Variants in BPTF observed in about 807,000 individuals in gnomAD.
The protein encoded by BPTF is bromodomain PHD finger transcription factor, also known as nucleosome-remodeling factor subunit BPTF.
In BPTF, 18 loss-of-function variants were observed where a neutral mutation model predicts 292.5. The observed-to-expected ratio is 0.06, with a 90% CI of 0.04 to 0.09. The LOEUF is 0.09. Ranked by LOEUF, BPTF falls within the 10% of genes least tolerant of loss-of-function variation. The pLI is 1.00. For synonymous variants in BPTF, 1,225 were observed against 1,251.9 expected, an observed-to-expected ratio of 0.98 and a Z score of 0.45; for missense variants, 2,726 against 3,498.7, an observed-to-expected ratio of 0.78 and a Z score of 5.57.
At chr17:67,977,008 G>C (rs1348311901) in intron 27 of BPTF, among the ~76,000 whole-genome samples, 1 of 152,048 alleles carries the variant, frequency 6.6e-6, no homozygotes, top group Non-Finnish European at 1.5e-5. Flanking sequence ...AGATAAAACC[G>C]ACAATCTATA....
At chr17:67,966,956 T>A (rs1373665975) in intron 26 of BPTF, among the ~76,000 whole-genome samples, 1 of 151,396 alleles carries the variant, frequency 6.6e-6, no homozygotes, top group Non-Finnish European at 1.5e-5. Context: ...AAAAATTAGC[T>A]GGGCATGGTG....
chr17:67,910,887 G>T lies in BPTF; in HGVS notation c.3003G>T (p.Glu1001Asp). Reference protein sequence around the residue: ...ITEKKDQDVKELLDSDSDKPC... With the variant: ...ITEKKDQDVKDLLDSDSDKPC... Reference sequence around the variant, plus strand: ...GTCTTTGTTTCACAGATGTGAAGGAGCTCTTAGATTCTGACAGTGATAAAC... The same window carrying T: ...GTCTTTGTTTCACAGATGTGAAGGATCTCTTAGATTCTGACAGTGATAAAC... Residue 1001 changes from glutamate (E) to aspartate (D), a missense_variant, in exon 11 of 28, where the codon GAG (glutamate) becomes GAT (aspartate). Around this residue, in one of 22 missense-constraint regions of BPTF, gnomAD observed 713 missense variants for 714.9 expected, o/e 1.00. Coordinates refer to ENST00000306378, the MANE Select transcript of BPTF (RefSeq NM_182641.4). 2 of 1,579,216 alleles carry T rather than the reference G, an allele frequency of 1.3e-6. No individual in the cohort carries two copies. The highest frequency in any genetic ancestry group is 1.9e-5 in the Admixed American group (1 of 52,636).
At chr17:67,827,162 G>T (rs777622545) in intron 1 of BPTF, among the ~76,000 whole-genome samples, 4 of 152,224 alleles carry the variant, frequency 2.6e-5, no homozygotes, top group Non-Finnish European at 5.9e-5. Context: ...ATGCAGTTTC[G>T]TGTCACCTGT....
chr17:67,909,410 A>T (rs2062493957), intron 9 of BPTF, among the ~76,000 whole-genome samples, 172 bp from the exon 10 acceptor site: 1 of 151,312 alleles, frequency 6.6e-6, no homozygotes, highest in Admixed American at 6.6e-5. Context: ...CCAGGCATAT[A>T]GGATTATATG....
intron 4 of BPTF, chr17:67,886,090 G>C: frequency 7.1e-7 from 1 of 1,400,280 alleles, no homozygotes; most frequent in Non-Finnish European, 9.8e-7. Flanking sequence ...TTTTTCATGT[G>C]ATTTCCAATT....
chr17:67,913,326 A>G (rs12602655), intron 11 of BPTF, 139 bp downstream of exon 11: 278,972 of 1,349,754 alleles, frequency 0.21, 34,568 homozygotes, highest in East Asian at 0.67. Context: ...TAATGGAAAC[A>G]GGATACAGAA....
At chr17:67,827,882 A>G (rs762366753) in intron 1 of BPTF, among the ~76,000 whole-genome samples, 10 of 151,472 alleles carry the variant, frequency 6.6e-5, no homozygotes, top group Non-Finnish European at 8.8e-5. Flanking sequence ...TTTATGTCTT[A>G]TATGTAGAAA....
chr17:67,954,631 A>T (rs1555680115), intron 23 of BPTF, among the ~76,000 whole-genome samples: 1 of 152,058 alleles, frequency 6.6e-6, no homozygotes, highest in Non-Finnish European at 1.5e-5. Context: ...TCTCTATTCC[A>T]TTGAGATTGT....
Position 67,955,092 on chromosome 17 carries a change from A to G in BPTF, c.7927-4449A>G, listed in dbSNP as rs1421013421. On this transcript the variant is annotated intron_variant, in intron 23 of 27. Coordinates refer to ENST00000306378, the MANE Select transcript of BPTF (RefSeq NM_182641.4). ...ATCACGAGGTCAGGAGATTGAGACTATCCTGGCTAACATGGTGAAACCTAG... is the reference window on the plus strand; with the variant it reads ...ATCACGAGGTCAGGAGATTGAGACTGTCCTGGCTAACATGGTGAAACCTAG... 4.0e-5 allele frequency among the ~76,000 whole-genome samples: 6 copies of G among 151,662 alleles called. No homozygotes were observed. The East Asian group carries it at 1.2e-3, about 30-fold the overall frequency.
rs2060144649 is a variant in BPTF, at chr17:67,877,899, G to T, written c.1864+2879G>T. ...CCTCCCGCCTCTGCCTCTCAAAAGTGCTGGGATTACAGGCATGAGCTACTG... is the reference window on the plus strand; with the variant it reads ...CCTCCCGCCTCTGCCTCTCAAAAGTTCTGGGATTACAGGCATGAGCTACTG... On this transcript the variant is annotated intron_variant, in intron 4 of 27. Transcript: ENST00000306378. 2.0e-5 allele frequency among the ~76,000 whole-genome samples: 3 copies of T among 152,208 alleles called. No individual in the cohort carries two copies. In the South Asian group the frequency reaches 6.2e-4, roughly 31 times the overall value.
At chr17:67,863,967 A>AGTCT (rs2059241457) in intron 2 of BPTF, among the ~76,000 whole-genome samples, 1 of 152,140 alleles carries the variant, frequency 6.6e-6, no homozygotes, top group Non-Finnish European at 1.5e-5. Flanking sequence ...TTTTCTTGCC[A>AGTCT]GTCTGTCTTC....
At position 67,964,608 on chromosome 17, in the gene BPTF, C is replaced by T. The variant is rs541610241; in HGVS notation, c.8454+204C>T. Among the ~76,000 whole-genome samples the T allele has an allele frequency of 3.9e-5, 6 of 152,310 alleles. No homozygotes were observed. The South Asian group carries it at 1.0e-3, about 26-fold the overall frequency. ...CCCCACACCACGTCAGCTTATCTCA[C>T]ACTCACAAGAGTGTTAACATGACTC... is the stretch of plus-strand genomic sequence containing the variant. On this transcript the variant is annotated intron_variant, in intron 25 of 27. Coordinates refer to ENST00000306378, the MANE Select transcript of BPTF (RefSeq NM_182641.4).
At chr17:67,875,595 C>T (rs1418483429) in intron 4 of BPTF, 1 of 1,578,802 alleles carries the variant, frequency 6.3e-7, no homozygotes, top group East Asian at 2.3e-5. Context: ...TCTGTGTCAG[C>T]AAATCTTGGC....
At position 67,928,359 on chromosome 17, in the gene BPTF, G is replaced by A. The variant is rs1211259945; in HGVS notation, c.5756G>A (p.Arg1919Gln). The change falls in exon 16 of 28, where the codon CGA (arginine) becomes CAA (glutamine). Residue 1919 changes from arginine (R) to glutamine (Q), a missense_variant. Transcript: ENST00000306378. ...AQAVEQQAKK[R>Q]LEQQKPTVIA... ...TCCTCTCCTTCACTTTTTTAGAAAC[G>A]ACTGGAGCAGCAGAAGCCGACAGTG... The A allele has an allele frequency of 6.2e-6, 10 of 1,602,462 alleles. No homozygotes were observed. The highest frequency in any genetic ancestry group is 1.1e-5 in the South Asian group (1 of 89,668).
Position 67,874,990 on chromosome 17 carries a change from G to T in BPTF, c.1834G>T (p.Asp612Tyr). 1.2e-6 allele frequency: 2 copies of T among 1,613,514 alleles called. No homozygotes were observed. The highest frequency in any genetic ancestry group is 1.7e-6 in the Non-Finnish European group (2 of 1,179,762). The change falls in exon 4 of 28, where the codon GAT (aspartate) becomes TAT (tyrosine). Residue 612 changes from aspartate (D) to tyrosine (Y), a missense_variant. Asp to Tyr is a radical substitution (Grantham distance 160, BLOSUM62 -3). This residue lies in a region of BPTF where 187 missense variants were observed against 201.5 expected (regional missense o/e 0.93). Transcript: ENST00000306378. ...AAAAGACAGTGACGACAAAACACCA[G>T]ATGATGACCCTGAGCAAGGAAAATC... is the stretch of plus-strand genomic sequence containing the variant. Reference protein sequence around the residue: ...LEKDSDDKTPDDDPEQGKSEV... With the variant: ...LEKDSDDKTPYDDPEQGKSEV...
intron 27 of BPTF, among the ~76,000 whole-genome samples, chr17:67,978,775 A>G (rs1163603571): frequency 6.6e-6 from 1 of 152,208 alleles, no homozygotes; most frequent in African/African-American, 2.4e-5. Context: ...CATACATTAG[A>G]TAATTTGTTT....
At chr17:67,890,408 A>G (rs998932864) in intron 4 of BPTF, among the ~76,000 whole-genome samples, 4 of 152,192 alleles carry the variant, frequency 2.6e-5, no homozygotes, top group African/African-American at 7.2e-5. Context: ...TGTGGGAATA[A>G]AAGTGGCCAA....
chr17:67,954,637 A>T (rs1280508349), intron 23 of BPTF, among the ~76,000 whole-genome samples: 2 of 152,110 alleles, frequency 1.3e-5, no homozygotes, highest in African/African-American at 4.8e-5. Context: ...TTCCATTGAG[A>T]TTGTTGTAAC....
intron 27 of BPTF, among the ~76,000 whole-genome samples, chr17:67,977,425 G>GA (rs1200316209): frequency 6.6e-6 from 1 of 152,022 alleles, no homozygotes; most frequent in Non-Finnish European, 1.5e-5. Context: ...TGAGGCATGA[G>GA]AATCGCTTGA....
Sources: gnomAD v4.1 joint callset for allele counts (sites outside exome capture counted in the v4.1 genomes callset) on GRCh38, gnomAD v4.1.1 for gene constraint, gnomAD v4.1.1 regional missense constraint, MANE v1.5 for transcripts, NCBI Gene and HGNC (gene_info 2026-07-23, HGNC 2026-07-21) for gene names.